Variants in SPTLC1 observed in about 807,000 individuals in gnomAD.
SPTLC1 encodes serine palmitoyltransferase long chain base subunit 1.
A neutral mutation model predicts 68.9 loss-of-function variants in SPTLC1; 55 were observed. The observed-to-expected ratio is 0.80, with a 90% CI of 0.64 to 1.00. SPTLC1 has a LOEUF of 1.00. Ranked by LOEUF, SPTLC1 falls within the 50% of genes least tolerant of loss-of-function variation. The pLI is 0.00. For missense variants in SPTLC1, 449 were observed against 573.1 expected (o/e 0.78, Z 2.21); for synonymous variants, 197 against 201.6 (o/e 0.98, Z 0.19).
chr9:92,050,774 T>G (rs1314868351), intron 8 of SPTLC1, among the ~76,000 whole-genome samples: 2 of 150,620 alleles, frequency 1.3e-5, no homozygotes, highest in Non-Finnish European at 3.0e-5. Context: ...TTAGATGGTC[T>G]AAAATGATTC....
In SPTLC1 at chr9:92,032,414, G is replaced by A. The variant is rs919352367; in HGVS notation, c.*51C>T. ...CCACTCCATGGCCAGCGGGAGTCTT[G>A]AGTCCTCTCTGCGTGTTGTGTGGCA... On this transcript the variant is annotated 3_prime_UTR_variant, in exon 15 of 15. Transcript: ENST00000262554. The A allele has an allele frequency of 1.2e-6, 2 of 1,613,628 alleles. No individual in the cohort carries two copies. Among genetic ancestry groups the A allele is most frequent in the Non-Finnish European group, 8.5e-7 (1 of 1,179,934 alleles).
chr9:92,036,503 A>G (rs1004431370), intron 13 of SPTLC1, among the ~76,000 whole-genome samples: 12 of 152,250 alleles, frequency 7.9e-5, no homozygotes, highest in African/African-American at 2.7e-4. Context: ...GTCCCTCAAC[A>G]TGAAGCATGT....
intron 3 of SPTLC1, among the ~76,000 whole-genome samples, chr9:92,098,659 G>A (rs899928177): frequency 1.3e-5 from 2 of 151,910 alleles, no homozygotes; most frequent in African/African-American, 4.8e-5. Context: ...AATCAGTACA[G>A]TGCAAAAGGG....
rs534356603 is a variant in SPTLC1, at chr9:92,082,485, C to T, written c.261-1522G>A. On this transcript the variant is annotated intron_variant, in intron 3 of 14. Coordinates refer to ENST00000262554, the MANE Select transcript of SPTLC1 (RefSeq NM_006415.4). ...ATTCCCACCTATGAGTGAGAACATG[C>T]GGTGTTTGGTTTTTTGTCCTTGCGA... 5.4e-5 allele frequency among the ~76,000 whole-genome samples: 8 copies of T among 147,244 alleles called. No homozygotes were observed. In the South Asian group the frequency reaches 1.3e-3, roughly 24 times the overall value.
At chr9:92,081,951 G>C (rs1834899262) in intron 3 of SPTLC1, among the ~76,000 whole-genome samples, 1 of 152,162 alleles carries the variant, frequency 6.6e-6, no homozygotes, top group African/African-American at 2.4e-5. Flanking sequence ...ACAACTTGAA[G>C]TAAATTCATG....
intron 3 of SPTLC1, among the ~76,000 whole-genome samples, chr9:92,100,586 C>T (rs913429785): frequency 6.6e-6 from 1 of 152,006 alleles, no homozygotes; most frequent in African/African-American, 2.4e-5. Context: ...CTAGGTGATC[C>T]CCATCTCAAA....
intron 6 of SPTLC1, among the ~76,000 whole-genome samples, chr9:92,061,460 A>C (rs1282047671): frequency 6.6e-6 from 1 of 152,234 alleles, no homozygotes; most frequent in East Asian, 1.9e-4. Flanking sequence ...AAAATGAAGA[A>C]TATTTGTCAC....
intron 8 of SPTLC1, among the ~76,000 whole-genome samples, chr9:92,052,531 A>ATT (rs753353281): frequency 1.3e-5 from 2 of 150,712 alleles, no homozygotes; most frequent in Non-Finnish European, 3.0e-5. Flanking sequence ...GATTATTATT[A>ATT]TTATTTTTTT....
chr9:92,101,840 CAG>C (rs1426710243), intron 3 of SPTLC1, among the ~76,000 whole-genome samples: 1 of 151,514 alleles, frequency 6.6e-6, no homozygotes, highest in African/African-American at 2.4e-5. Context: ...AGAAGAGAAA[CAG>C]AGAAAAGAGA....
chr9:92,038,671 G>C (rs1489581771), intron 12 of SPTLC1, among the ~76,000 whole-genome samples: 1 of 152,234 alleles, frequency 6.6e-6, no homozygotes, highest in Non-Finnish European at 1.5e-5. Context: ...ACCTTGGCCT[G>C]TCATTCCCTT....
chr9:92,039,834 C>A (rs1005756180), intron 12 of SPTLC1, among the ~76,000 whole-genome samples: 1 of 152,046 alleles, frequency 6.6e-6, no homozygotes, highest in African/African-American at 2.4e-5. Context: ...TATTAATTAG[C>A]GTCTCCTTTC....
At chr9:92,071,208 G>A (rs1397707107) in intron 5 of SPTLC1, among the ~76,000 whole-genome samples, 5 of 146,310 alleles carry the variant, frequency 3.4e-5, no homozygotes, top group African/African-American at 1.0e-4. Flanking sequence ...TGACCAAAAC[G>A]GAGAAACCCT....
intron 5 of SPTLC1, among the ~76,000 whole-genome samples, chr9:92,078,065 G>A (rs1834745445): frequency 6.6e-6 from 1 of 151,874 alleles, no homozygotes; most frequent in African/African-American, 2.4e-5. Context: ...AGCTGACTCA[G>A]CAACCTCCCC....
intron 12 of SPTLC1, among the ~76,000 whole-genome samples, chr9:92,041,691 T>A (rs1209778962): frequency 6.6e-6 from 1 of 152,228 alleles, no homozygotes; most frequent in East Asian, 1.9e-4. Flanking sequence ...TATAGATCCA[T>A]TTAAATTATA....
At position 92,032,209 on chromosome 9, in the gene SPTLC1, TA is replaced by T. The variant is rs1329308525; in HGVS notation, c.*255del. On this transcript the variant is annotated 3_prime_UTR_variant, in exon 15 of 15. Transcript: ENST00000262554. ...TTTAAATAGTACTAAATGCACAATT[TA>T]AACATCAGTTATACACTGTCATTAG... The T allele has an allele frequency of 5.3e-6, 7 of 1,321,870 alleles. No homozygotes were observed. Among genetic ancestry groups the T allele is most frequent in the Non-Finnish European group, 6.1e-6 (6 of 987,010 alleles). The allele number at this position is 1,321,870 out of a possible 1,614,324, so 81.9% of individuals were successfully genotyped here.
At chr9:92,073,755 A>G (rs1834579158) in intron 5 of SPTLC1, among the ~76,000 whole-genome samples, 1 of 152,266 alleles carries the variant, frequency 6.6e-6, no homozygotes, top group South Asian at 2.1e-4. Flanking sequence ...AATAGGGAAG[A>G]GGCTGCCAGG....
intron 11 of SPTLC1, 83 bp downstream of exon 11, chr9:92,047,089 T>A: frequency 8.2e-7 from 1 of 1,213,548 alleles, no homozygotes; most frequent in Non-Finnish European, 1.2e-6. Flanking sequence ...GTCTGGCAAA[T>A]AATTTCTCCA....
At chr9:92,090,824 A>C (rs1193978564) in intron 3 of SPTLC1, among the ~76,000 whole-genome samples, 1 of 152,140 alleles carries the variant, frequency 6.6e-6, no homozygotes, top group Non-Finnish European at 1.5e-5. Context: ...CATTGCCGTA[A>C]CCAAGCTGAC....
At chr9:92,113,205 A>C (rs1295032526) in intron 1 of SPTLC1, among the ~76,000 whole-genome samples, 1 of 152,196 alleles carries the variant, frequency 6.6e-6, no homozygotes, top group African/African-American at 2.4e-5. Flanking sequence ...ATACAAGACT[A>C]CTCAAATTCT....
Sources: gnomAD v4.1 joint callset for allele counts (sites outside exome capture counted in the v4.1 genomes callset) on GRCh38, gnomAD v4.1.1 for gene constraint, MANE v1.5 for transcripts, NCBI Gene and HGNC (gene_info 2026-07-23, HGNC 2026-07-21) for gene names.